The following RAI1 variants were observed in gnomAD, a reference collection of about 807,000 sequenced individuals.
The protein encoded by RAI1 is retinoic acid-induced protein 1.
Under a neutral mutation model 123.8 loss-of-function variants are expected in RAI1, and 9 were observed. That is an observed-to-expected ratio of 0.07 (90% CI 0.04 to 0.13). RAI1 has a LOEUF of 0.13. RAI1 is among the 10% of genes least tolerant of loss of function. The pLI is 1.00. For synonymous variants in RAI1, 1,231 were observed against 1,127.3 expected (o/e 1.09, Z -1.84); for missense variants, 2,256 against 2,545.8 (o/e 0.89, Z 2.45).
At chr17:17,775,074 T>C (rs2031288639) in intron 2 of RAI1, among the ~76,000 whole-genome samples, 1 of 152,138 alleles carries the variant, frequency 6.6e-6, no homozygotes, top group Admixed American at 6.5e-5. Context: ...GGAAAGCATA[T>C]TGCAGGTAGA....
intron 1 of RAI1, among the ~76,000 whole-genome samples, chr17:17,701,550 C>T (rs1915224473): frequency 1.3e-5 from 2 of 152,054 alleles, no homozygotes; most frequent in African/African-American, 2.4e-5. Flanking sequence ...TTAGATGGTC[C>T]CCTTTCCCTC....
At chr17:17,713,165 AT>A (rs913587280) in intron 1 of RAI1, among the ~76,000 whole-genome samples, 1 of 152,046 alleles carries the variant, frequency 6.6e-6, no homozygotes, top group Non-Finnish European at 1.5e-5. Flanking sequence ...CAAAAAAAAA[AT>A]TTTTTTTAAG....
Position 17,795,855 on chromosome 17 carries a change from C to A in RAI1, c.2907C>A (p.Asp969Glu). 1 of 1,613,106 alleles carries A rather than the reference C, an allele frequency of 6.2e-7. No homozygotes were observed. The highest frequency in any genetic ancestry group is 1.7e-5 in the Admixed American group (1 of 60,024). Residue 969 changes from aspartate (D) to glutamate (E), a missense_variant, in exon 3 of 6, where the codon GAC becomes GAA. Physicochemically the swap from Asp to Glu is conservative, Grantham distance 45. Around this residue, in one of 7 missense-constraint regions of RAI1, gnomAD observed 566 missense variants for 616.0 expected, o/e 0.92. Transcript: ENST00000353383. The surrounding 1 kb of genome is among the most constrained non-coding windows in gnomAD (Gnocchi z 5.9). ...ERAPGDSTTS[D>E]ASLAQKPNKP... is the part of the protein sequence containing the mutation. Reference sequence around the variant, plus strand: ...CTCCAGGGGATTCCACCACCTCGGACGCCTCTCTGGCCCAGAAGCCCAACA... The same window carrying A: ...CTCCAGGGGATTCCACCACCTCGGAAGCCTCTCTGGCCCAGAAGCCCAACA...
At chr17:17,712,647 T>A (rs1915599419) in intron 1 of RAI1, among the ~76,000 whole-genome samples, 1 of 152,086 alleles carries the variant, frequency 6.6e-6, no homozygotes, top group African/African-American at 2.4e-5. Flanking sequence ...AGGATGGGCC[T>A]AGGAGGCCCA....
rs2030111573 is a variant in RAI1 at position 17,750,477 on chromosome 17, T to G, written c.-17+26318T>G. Among the ~76,000 whole-genome samples, 4 of 151,516 alleles carry G rather than the reference T, an allele frequency of 2.6e-5. No homozygotes were observed. In the South Asian group the frequency reaches 8.3e-4, roughly 32 times the overall value. The stretch of plus-strand genomic sequence containing the variant: ...TGGCTCATGCCTGTAATCCCAGCAC[T>G]TTGGGAGGCCGAGGCGGGTGGATCA... On this transcript the variant is annotated intron_variant, in intron 2 of 5. Transcript: ENST00000353383.
chr17:17,783,585 C>G (rs567426690), intron 2 of RAI1, among the ~76,000 whole-genome samples: 1 of 152,204 alleles, frequency 6.6e-6, no homozygotes, highest in Non-Finnish European at 1.5e-5. Flanking sequence ...CGCTGCTCCC[C>G]GTCCCCCTCT....
intron 1 of RAI1, among the ~76,000 whole-genome samples, chr17:17,722,403 C>T (rs1555555784): frequency 1.3e-5 from 2 of 152,232 alleles, no homozygotes; most frequent in Non-Finnish European, 1.5e-5. Flanking sequence ...TGGCCCTGCC[C>T]TGTGGCGCCT....
chr17:17,773,875 A>G (rs1397480887), intron 2 of RAI1, among the ~76,000 whole-genome samples: 2 of 152,366 alleles, frequency 1.3e-5, no homozygotes, highest in East Asian at 3.9e-4. Flanking sequence ...CATGAGTTAT[A>G]ATAGGCACAT....
At position 17,799,010 on chromosome 17, in the gene RAI1, G is replaced by A. The variant is rs1302821073; in HGVS notation, c.5565+497G>A. 1.3e-5 allele frequency among the ~76,000 whole-genome samples: 2 copies of A among 152,192 alleles called. No individual in the cohort carries two copies. The highest frequency in any genetic ancestry group is 4.8e-5 in the African/African-American group (2 of 41,442). The stretch of plus-strand genomic sequence containing the variant: ...TCTGGCGACACAGGCTTGGTGCATG[G>A]ACCCAGTCACAGGGTTCCTCCCTCT... On this transcript the variant is annotated intron_variant, in intron 3 of 5. Coordinates refer to ENST00000353383, the MANE Select transcript of RAI1 (RefSeq NM_030665.4). This position sits in a 1 kb window ranked among gnomAD's most constrained non-coding sequence, Gnocchi z 4.5.
chr17:17,708,020 C>T (rs530747969), intron 1 of RAI1, among the ~76,000 whole-genome samples: 3 of 152,276 alleles, frequency 2.0e-5, no homozygotes, highest in Admixed American at 1.3e-4. Flanking sequence ...TAGAAGGCTC[C>T]TGGAGGCTCT....
At chr17:17,735,507 C>A (rs982566255) in intron 2 of RAI1, among the ~76,000 whole-genome samples, 3 of 151,870 alleles carry the variant, frequency 2.0e-5, no homozygotes, top group Non-Finnish European at 4.4e-5. Flanking sequence ...GCGTGCGCCA[C>A]CACGCCCGGC....
At chr17:17,702,524 A>G (rs1410540833) in intron 1 of RAI1, among the ~76,000 whole-genome samples, 1 of 152,184 alleles carries the variant, frequency 6.6e-6, no homozygotes, top group Non-Finnish European at 1.5e-5. Context: ...TTGTCCCCAG[A>G]TGTCCTTGCA....
intron 2 of RAI1, among the ~76,000 whole-genome samples, chr17:17,734,739 G>A (rs1916372781): frequency 6.6e-6 from 1 of 152,254 alleles, no homozygotes; most frequent in Admixed American, 6.5e-5. Context: ...GCCTGCCTGT[G>A]TGTCTGCGTG....
At chr17:17,754,285 A>G (rs1328473485) in intron 2 of RAI1, among the ~76,000 whole-genome samples, 1 of 136,354 alleles carries the variant, frequency 7.3e-6, no homozygotes, top group Non-Finnish European at 1.5e-5. Context: ...GCTCACCGCA[A>G]CCTCCGCCTC....
rs754807280 is a variant in RAI1, at chr17:17,797,230, G to A, written c.4282G>A (p.Ala1428Thr). The change falls in exon 3 of 6, where the codon GCC (alanine) becomes ACC (threonine). Residue 1428 changes from alanine (A) to threonine (T), a missense_variant. Ala to Thr is a moderately conservative substitution (Grantham distance 58). Around this residue, in one of 7 missense-constraint regions of RAI1, gnomAD observed 410 missense variants for 374.6 expected, o/e 1.09. Coordinates refer to ENST00000353383, the MANE Select transcript of RAI1 (RefSeq NM_030665.4). ...TTCTACTGACTGTTTCAAAACCGAG[G>A]CCTTCACATCCCCGGAGGCCCTGCA... ...LSSTDCFKTE[A>T]FTSPEALQPG... is the part of the protein sequence containing the mutation. 1 of 1,613,620 alleles carries A rather than the reference G, an allele frequency of 6.2e-7. No homozygotes were observed. The highest frequency in any genetic ancestry group is 1.6e-4 in the Middle Eastern group (1 of 6,062).
chr17:17,682,417 C>G (rs1914463319), intron 1 of RAI1: 1 of 151,980 alleles, frequency 6.6e-6, no homozygotes, highest in African/African-American at 2.4e-5. Flanking sequence ...CTGGGGAGCT[C>G]TGTAGCGGCC....
intron 2 of RAI1, among the ~76,000 whole-genome samples, chr17:17,743,877 C>T (rs1916721231): frequency 6.6e-6 from 1 of 152,164 alleles, no homozygotes; most frequent in African/African-American, 2.4e-5. Context: ...GCATGGAGCC[C>T]GGATCCACTC....
intron 2 of RAI1, among the ~76,000 whole-genome samples, chr17:17,754,679 C>T (rs780554975): frequency 3.3e-5 from 5 of 152,134 alleles, no homozygotes; most frequent in Admixed American, 1.3e-4. Flanking sequence ...AAATAATATC[C>T]GACAGCCTGT....
At chr17:17,700,132 G>T (rs1915167905) in intron 1 of RAI1, among the ~76,000 whole-genome samples, 1 of 152,268 alleles carries the variant, frequency 6.6e-6, no homozygotes, top group Admixed American at 6.5e-5. Flanking sequence ...CCGGGGCTGT[G>T]TGTCACATGG....
Sources: allele counts gnomAD v4.1 joint callset (sites outside exome capture counted in the v4.1 genomes callset), GRCh38; gene constraint gnomAD v4.1.1; regional missense constraint gnomAD v4.1.1; non-coding constraint Gnocchi (gnomAD v3.1); transcripts MANE v1.5; gene names NCBI Gene and HGNC (gene_info 2026-07-23, HGNC 2026-07-21).